The following PHLPP2 variants were observed in gnomAD, a reference collection of about 807,000 sequenced individuals.
The protein encoded by PHLPP2 is PH domain and leucine rich repeat protein phosphatase 2.
In PHLPP2, 66 loss-of-function variants were observed where a neutral mutation model predicts 124.9. The ratio of observed to expected loss-of-function variants is 0.53; its 90% CI spans 0.43 to 0.65. The LOEUF is 0.65. Ranked by LOEUF, PHLPP2 falls within the 30% of genes least tolerant of loss-of-function variation. The pLI is 0.00. For missense variants in PHLPP2, 1,685 were observed against 1,600.4 expected (o/e 1.05, Z -0.90); for synonymous variants, 681 against 624.7 (o/e 1.09, Z -1.34).
At position 71,684,559 on chromosome 16, in the gene PHLPP2, A is replaced by C. The variant is rs767364911; in HGVS notation, c.652T>G (p.Ser218Ala). 25 of 1,613,768 alleles carry C rather than the reference A, an allele frequency of 1.5e-5. No homozygotes were observed. The highest frequency in any genetic ancestry group is 1.6e-4 in the Middle Eastern group (1 of 6,084). The change falls in exon 5 of 19, where the codon TCA becomes GCA. Residue 218 changes from serine (S) to alanine (A), a missense_variant. Ser to Ala is a moderately conservative substitution (Grantham distance 99). Coordinates refer to ENST00000568954, the MANE Select transcript of PHLPP2 (RefSeq NM_015020.3). ...TAGGTCTGAGCTTGGGCTCCTGCTG[A>C]GCTGAAAGCAAGGGAGTATTGCCGT... is the stretch of plus-strand genomic sequence containing the variant. ...KRRQYSLAFS[S>A]AGAQAQTYHV...
Position 71,647,924 on chromosome 16 carries a change from T to C in PHLPP2, c.*966A>G, listed in dbSNP as rs577986764. ...TAAGTCTCCAACACCCAGTTCTCTC[T>C]CTGCCTATGGATGAAGGTGCCGGGC... On this transcript the variant is annotated 3_prime_UTR_variant, in exon 19 of 19. Coordinates refer to ENST00000568954, the MANE Select transcript of PHLPP2 (RefSeq NM_015020.3). The C allele has an allele frequency of 6.5e-6, 1 of 152,722 alleles. No individual in the cohort carries two copies. The highest frequency in any genetic ancestry group is 1.9e-4 in the East Asian group (1 of 5,180). 9.5% of individuals were successfully genotyped at this position (152,722 alleles called of 1,614,324 possible). A position where few individuals can be genotyped will look rare whatever the true frequency, so the allele number is the denominator to read the frequency against.
intron 3 of PHLPP2, among the ~76,000 whole-genome samples, chr16:71,695,110 T>G (rs368433505): frequency 6.6e-6 from 1 of 152,156 alleles, no homozygotes; most frequent in Non-Finnish European, 1.5e-5. Flanking sequence ...TCTATCAGAT[T>G]AGTAAATATT....
chr16:71,676,911 C>T, intron 8 of PHLPP2: 1 of 401,448 alleles, frequency 2.5e-6, no homozygotes, highest in Non-Finnish European at 4.6e-6. Context: ...CCATGCCAGG[C>T]TAATTTTTTG....
At chr16:71,672,492 A>G (rs2145329087) in intron 9 of PHLPP2, among the ~76,000 whole-genome samples, 170 bp from the exon 10 acceptor site, 1 of 152,358 alleles carries the variant, frequency 6.6e-6, no homozygotes, top group Non-Finnish European at 1.5e-5. Context: ...AACTGATCCC[A>G]ATTTGTCTTG....
intron 17 of PHLPP2, among the ~76,000 whole-genome samples, chr16:71,653,337 T>A (rs2044711908): frequency 6.6e-6 from 1 of 152,110 alleles, no homozygotes; most frequent in African/African-American, 2.4e-5. Context: ...CAGAATCCCC[T>A]GAGGGCTTGT....
intron 17 of PHLPP2, 75 bp from the exon 18 acceptor site, chr16:71,653,096 C>T: frequency 4.0e-6 from 3 of 743,564 alleles, no homozygotes; most frequent in South Asian, 1.9e-5. Flanking sequence ...ACGTACATCC[C>T]TTCTTTTTTT....
At chr16:71,679,080 A>C (rs555428678) in intron 7 of PHLPP2, 95 bp from the exon 8 acceptor site, 1 of 713,348 alleles carries the variant, frequency 1.4e-6, no homozygotes, top group Non-Finnish European at 2.4e-6. Context: ...TCACTAATTT[A>C]TTATCAATCC....
At chr16:71,721,397 C>T (rs1567632846) in intron 1 of PHLPP2, among the ~76,000 whole-genome samples, 1 of 152,076 alleles carries the variant, frequency 6.6e-6, no homozygotes, top group South Asian at 2.1e-4. Flanking sequence ...TTAAGAGGAT[C>T]ACTTGAGGCC....
chr16:71,700,420 T>TA (rs2045219535), intron 3 of PHLPP2, among the ~76,000 whole-genome samples: 1 of 148,408 alleles, frequency 6.7e-6, no homozygotes, highest in Non-Finnish European at 1.5e-5. Context: ...AAATAAAAAA[T>TA]TAAAAAAAAA....
intron 4 of PHLPP2, among the ~76,000 whole-genome samples, chr16:71,685,947 CTT>C (rs2045051384): frequency 6.6e-6 from 1 of 152,106 alleles, no homozygotes; most frequent in Non-Finnish European, 1.5e-5. Flanking sequence ...TAATGAGTCT[CTT>C]TATCCTTACT....
chr16:71,678,925 A>T lies in PHLPP2; in HGVS notation c.1098T>A (p.Asn366Lys), dbSNP rs1456810628. ...FLTTLPEELGNLQQLSSLGIS... is the reference protein window; with the variant it reads ...FLTTLPEELGKLQQLSSLGIS... ...TTCCCAAGGAGGAAAGCTGTTGTAG[A>T]TTTCCCAATTCTTCAGGTAAAGTAG... The change falls in exon 8 of 19, where the codon AAT becomes AAA. Residue 366 changes from asparagine to lysine, a missense_variant. Transcript: ENST00000568954. 6.2e-7 allele frequency: 1 copy of T among 1,613,078 alleles called. No individual in the cohort carries two copies. Among genetic ancestry groups the T allele is most frequent in the Non-Finnish European group, 8.5e-7 (1 of 1,179,244 alleles).
At chr16:71,684,737 CCCCT>C in intron 4 of PHLPP2, 136 bp from the exon 5 acceptor site, 1 of 760,056 alleles carries the variant, frequency 1.3e-6, no homozygotes, top group Middle Eastern at 3.9e-4. Flanking sequence ...CCTCCTTGTC[CCCCT>C]CCATCTGCCA....
At chr16:71,721,409 G>A (rs1174676720) in intron 1 of PHLPP2, among the ~76,000 whole-genome samples, 1 of 152,132 alleles carries the variant, frequency 6.6e-6, no homozygotes, top group Non-Finnish European at 1.5e-5. Context: ...CTTGAGGCCA[G>A]GAGTTTGAGA....
At chr16:71,711,025 A>G (rs1424844825) in intron 2 of PHLPP2, among the ~76,000 whole-genome samples, 1 of 151,710 alleles carries the variant, frequency 6.6e-6, no homozygotes, top group African/African-American at 2.4e-5. Flanking sequence ...ATTTCTAATG[A>G]CACCATGAAA....
intron 3 of PHLPP2, among the ~76,000 whole-genome samples, chr16:71,693,683 A>G (rs903298329): frequency 6.6e-6 from 1 of 152,182 alleles, no homozygotes; most frequent in Non-Finnish European, 1.5e-5. Context: ...GACTCAAATT[A>G]ACTGTGATTC....
At chr16:71,718,692 C>A (rs528619678) in intron 1 of PHLPP2, among the ~76,000 whole-genome samples, 1 of 151,608 alleles carries the variant, frequency 6.6e-6, no homozygotes, top group Non-Finnish European at 1.5e-5. Context: ...ATAGTGAAAC[C>A]GCGTCTCAAA....
In PHLPP2 at chr16:71,649,314, G is replaced by A; in HGVS notation, c.3548C>T (p.Pro1183Leu). Residue 1183 changes from proline (P) to leucine (L), a missense_variant, in exon 19 of 19, where the codon CCC becomes CTC. Transcript: ENST00000568954. The stretch of plus-strand genomic sequence containing the variant: ...GGTAGGAGAACTCTCTATGAGAGGG[G>A]GTGAGTTCTCCAGATCCCTCCCCCT... ...CCRGRDLENS[P>L]PLIESSPTLC... 2 of 1,613,752 alleles carry A rather than the reference G, an allele frequency of 1.2e-6. No individual in the cohort carries two copies. Among genetic ancestry groups the A allele is most frequent in the Non-Finnish European group, 1.7e-6 (2 of 1,179,746 alleles).
At chr16:71,679,309 A>C (rs900036563) in intron 7 of PHLPP2, 80 bp downstream of exon 7, 2 of 1,283,604 alleles carry the variant, frequency 1.6e-6, no homozygotes, top group Admixed American at 1.8e-5. Context: ...GCAAGAGTTC[A>C]AGATACTACC....
chr16:71,654,274 G>C (rs1437008671), intron 17 of PHLPP2, among the ~76,000 whole-genome samples: 1 of 146,290 alleles, frequency 6.8e-6, no homozygotes, highest in Non-Finnish European at 1.5e-5. Context: ...GATTATACAA[G>C]TTGACAAACA....
Sources: allele counts gnomAD v4.1 joint callset (sites outside exome capture counted in the v4.1 genomes callset), GRCh38; gene constraint gnomAD v4.1.1; transcripts MANE v1.5; gene names NCBI Gene and HGNC (gene_info 2026-07-23, HGNC 2026-07-21).